Variants in PDE7B observed in about 807,000 individuals in gnomAD.
PDE7B encodes the protein phosphodiesterase 7B.
In PDE7B, 29 loss-of-function variants were observed where a neutral mutation model predicts 56.2. The ratio of observed to expected loss-of-function variants is 0.52; its 90% CI spans 0.38 to 0.70. The LOEUF (loss-of-function observed/expected upper bound fraction) is 0.70. Ranked by LOEUF, PDE7B falls within the 30% of genes least tolerant of loss-of-function variation. The probability of loss-of-function intolerance (pLI) is 0.00; values close to 1 mark genes in which losing one functional copy is unlikely to be tolerated. For synonymous variants in PDE7B, 197 were observed against 196.9 expected, an observed-to-expected ratio of 1.00 and a Z score of 0.00; for missense variants, 490 against 565.0, an observed-to-expected ratio of 0.87 and a Z score of 1.35.
intron 2 of PDE7B, among the ~76,000 whole-genome samples, chr6:136,092,271 T>C (rs952291278): frequency 6.6e-6 from 1 of 152,196 alleles, no homozygotes; most frequent in Admixed American, 6.5e-5. Flanking sequence ...AATCATGTAA[T>C]TGGGTTTGGA....
In PDE7B at chr6:135,986,878, A is replaced by T. The variant is rs529177718; in HGVS notation, c.82+39354A>T. ...GAGACTGAAATATTCCCATTGTGTG[A>T]CCAGTGCCGTCCTAGGTTTAGACTT... On this transcript the variant is annotated intron_variant, in intron 2 of 12. Transcript: ENST00000308191. Among the ~76,000 whole-genome samples the T allele has an allele frequency of 7.0e-4, 106 of 152,322 alleles. 1 individual carries two copies. The highest frequency in any genetic ancestry group is 2.2e-3 in the African/African-American group (91 of 41,578).
chr6:135,993,404 C>T (rs1298140442), intron 2 of PDE7B, among the ~76,000 whole-genome samples: 1 of 152,164 alleles, frequency 6.6e-6, no homozygotes, highest in African/African-American at 2.4e-5. Flanking sequence ...GCTCCAGTCT[C>T]ATCATGCAGT....
At chr6:135,903,900 TATATG>T (rs1380219737) in intron 1 of PDE7B, among the ~76,000 whole-genome samples, 1 of 152,136 alleles carries the variant, frequency 6.6e-6, no homozygotes, top group Admixed American at 6.5e-5. Flanking sequence ...GAAGGTGAAA[TATATG>T]AGAAATCTGT....
intron 8 of PDE7B, among the ~76,000 whole-genome samples, chr6:136,168,040 T>C (rs1389174450): frequency 6.6e-6 from 1 of 152,142 alleles, no homozygotes; most frequent in Non-Finnish European, 1.5e-5. Flanking sequence ...TGAAGTGAAC[T>C]TTGAAAGACA....
rs535892741 is a variant in PDE7B, at chr6:136,099,643, G to A, written c.83-9088G>A. Among the ~76,000 whole-genome samples, 5 of 151,988 alleles carry A rather than the reference G, an allele frequency of 3.3e-5. No homozygotes were observed. In the East Asian group the frequency reaches 9.7e-4, roughly 30 times the overall value. On this transcript the variant is annotated intron_variant, in intron 2 of 12. Coordinates refer to ENST00000308191, the MANE Select transcript of PDE7B (RefSeq NM_018945.4). ...GGGTTGTTTTTTTTCTTGTAAATTT[G>A]TTTAAGTTCTTTGTAGATTCTGGAT...
chr6:135,946,242 A>AT (rs143698869), intron 1 of PDE7B, among the ~76,000 whole-genome samples: 1,760 of 151,148 alleles, frequency 0.012, 40 homozygotes, highest in African/African-American at 0.039. Flanking sequence ...TTATTTGAAT[A>AT]TTCCAGATTT....
intron 1 of PDE7B, among the ~76,000 whole-genome samples, chr6:135,882,051 A>G (rs546114044): frequency 6.6e-6 from 1 of 152,320 alleles, no homozygotes; most frequent in Non-Finnish European, 1.5e-5. Context: ...TTTTGGCACC[A>G]TTCTTCAATT....
At chr6:136,043,235 A>C (rs921080632) in intron 2 of PDE7B, among the ~76,000 whole-genome samples, 1 of 152,204 alleles carries the variant, frequency 6.6e-6, no homozygotes, top group Admixed American at 6.5e-5. Context: ...TTAAATGTGA[A>C]TGCAAATTGA....
At chr6:136,090,632 T>C (rs533066241) in intron 2 of PDE7B, among the ~76,000 whole-genome samples, 6 of 152,348 alleles carry the variant, frequency 3.9e-5, no homozygotes, top group Non-Finnish European at 8.8e-5. Context: ...TTCTCAGCTC[T>C]GGTTTGGGCA....
At chr6:135,919,367 A>T (rs1482597892) in intron 1 of PDE7B, among the ~76,000 whole-genome samples, 1 of 152,222 alleles carries the variant, frequency 6.6e-6, no homozygotes, top group Non-Finnish European at 1.5e-5. Context: ...TCTGTGGCTT[A>T]TTATGACTTC....
At chr6:135,959,700 A>G (rs1298289134) in intron 2 of PDE7B, among the ~76,000 whole-genome samples, 1 of 152,152 alleles carries the variant, frequency 6.6e-6, no homozygotes, top group Non-Finnish European at 1.5e-5. Flanking sequence ...GGGTAACAGT[A>G]TATGAATGAC....
chr6:136,106,931 A>G (rs775726367), intron 2 of PDE7B, among the ~76,000 whole-genome samples: 1 of 152,182 alleles, frequency 6.6e-6, no homozygotes, highest in Non-Finnish European at 1.5e-5. Flanking sequence ...GTACTTTTCC[A>G]TCTATTCCTC....
intron 2 of PDE7B, among the ~76,000 whole-genome samples, chr6:135,960,402 G>A (rs935972859): frequency 6.6e-6 from 1 of 152,168 alleles, no homozygotes. Flanking sequence ...CTTTAAGAGA[G>A]AAAATTTTCA....
chr6:135,934,862 T>TATATATAAATATTTATTTAAATATATATA (rs1774375685), intron 1 of PDE7B, among the ~76,000 whole-genome samples: 1 of 107,474 alleles, frequency 9.3e-6, no homozygotes, highest in Non-Finnish European at 1.7e-5. Context: ...TAAATATATA[T>TATATATAAATATTTATTTAAATATATATA]AAAAATATAT....
chr6:135,921,104 G>A (rs1186458160), intron 1 of PDE7B, among the ~76,000 whole-genome samples: 3 of 152,078 alleles, frequency 2.0e-5, no homozygotes, highest in Admixed American at 1.3e-4. Context: ...GAGTGTAGAC[G>A]ACAATATTTT....
intron 2 of PDE7B, among the ~76,000 whole-genome samples, chr6:136,079,323 A>G: frequency 6.6e-6 from 1 of 152,102 alleles, no homozygotes; most frequent in East Asian, 1.9e-4. Context: ...TAATATATCT[A>G]TTTTACACAT....
chr6:136,109,781 A>G (rs1046387955), intron 3 of PDE7B, among the ~76,000 whole-genome samples: 4 of 152,180 alleles, frequency 2.6e-5, no homozygotes, highest in African/African-American at 9.6e-5. Context: ...CCTTATAACG[A>G]TCATAATCAT....
intron 3 of PDE7B, among the ~76,000 whole-genome samples, chr6:136,115,541 G>GA (rs924827864): frequency 6.6e-6 from 1 of 152,090 alleles, no homozygotes; most frequent in African/African-American, 2.4e-5. Flanking sequence ...ATATGTCTGA[G>GA]AAAAAACATA....
At chr6:136,040,919 C>G (rs1210228903) in intron 2 of PDE7B, among the ~76,000 whole-genome samples, 3 of 152,138 alleles carry the variant, frequency 2.0e-5, no homozygotes, top group African/African-American at 7.2e-5. Flanking sequence ...CCCGTCTCCC[C>G]CAGTGGTAAT....
Sources: gnomAD v4.1 joint callset for allele counts (sites outside exome capture counted in the v4.1 genomes callset) on GRCh38, gnomAD v4.1.1 for gene constraint, MANE v1.5 for transcripts, NCBI Gene and HGNC (gene_info 2026-07-23, HGNC 2026-07-21) for gene names.